The following PHTF2 variants were observed in gnomAD, a reference collection of about 807,000 sequenced individuals.
The protein encoded by PHTF2 is putative homeodomain transcription factor 2, also known as protein PHTF2.
PHTF2 carries 60 observed loss-of-function variants against 101.2 expected under a neutral mutation model. The ratio of observed to expected loss-of-function variants is 0.59; its 90% CI spans 0.48 to 0.73. PHTF2 has a LOEUF of 0.73. Ranked by LOEUF, PHTF2 falls within the 30% of genes least tolerant of loss-of-function variation. PHTF2 has a pLI of 0.00. For synonymous variants in PHTF2, 311 were observed against 307.3 expected, an observed-to-expected ratio of 1.01 and a Z score of -0.13; for missense variants, 747 against 908.7, an observed-to-expected ratio of 0.82 and a Z score of 2.29.
At chr7:77,915,967 A>G (rs1802874599) in intron 9 of PHTF2, among the ~76,000 whole-genome samples, 1 of 136,012 alleles carries the variant, frequency 7.4e-6, no homozygotes, top group Non-Finnish European at 1.6e-5. Flanking sequence ...ATCAGAAGGT[A>G]GATTTGTGTG....
At chr7:77,916,060 A>T (rs1272982689) in intron 9 of PHTF2, among the ~76,000 whole-genome samples, 3 of 151,894 alleles carry the variant, frequency 2.0e-5, no homozygotes, top group Non-Finnish European at 2.9e-5. Flanking sequence ...TTAATTCCTA[A>T]TATCAGCTTC....
intron 5 of PHTF2, among the ~76,000 whole-genome samples, chr7:77,897,267 C>T (rs1022261802): frequency 6.9e-6 from 1 of 144,048 alleles, no homozygotes; most frequent in Non-Finnish European, 1.5e-5. Flanking sequence ...AACAGAAGCA[C>T]TTTCTAAACT....
At chr7:77,886,580 C>T (rs1799869250) in intron 3 of PHTF2, among the ~76,000 whole-genome samples, 2 of 152,010 alleles carry the variant, frequency 1.3e-5, no homozygotes, top group Admixed American at 1.3e-4. Flanking sequence ...GGAGGAGGTA[C>T]ATGATTCTCT....
rs1797286527 is a variant in PHTF2 at position 77,857,542 on chromosome 7, T to A, written c.147+2708T>A. Among the ~76,000 whole-genome samples the A allele has an allele frequency of 1.3e-5, 2 of 152,236 alleles. 1 individual carries two copies. The highest frequency in any genetic ancestry group is 4.1e-4 in the South Asian group (2 of 4,834). ...ATTAATTTTTAAAGAAGTAACAGTA[T>A]ATATTCAGAAAATCACATGAAATAT... On this transcript the variant is annotated intron_variant, in intron 3 of 19. Coordinates refer to ENST00000416283, the Ensembl canonical transcript of PHTF2.
At chr7:77,819,058 A>G (rs147322927) in intron 1 of PHTF2, among the ~76,000 whole-genome samples, 1 of 152,300 alleles carries the variant, frequency 6.6e-6, no homozygotes, top group African/African-American at 2.4e-5. Context: ...TTGTGTTTAG[A>G]AATGCTACTG....
At chr7:77,819,867 C>A (rs760798248) in intron 1 of PHTF2, among the ~76,000 whole-genome samples, 11 of 152,048 alleles carry the variant, frequency 7.2e-5, no homozygotes, top group Non-Finnish European at 1.3e-4. Flanking sequence ...CAGTCCTGAA[C>A]TTTTCTTTTA....
chr7:77,928,958 A>G, intron 11 of PHTF2, 151 bp from the exon 11 acceptor site: 2 of 589,986 alleles, frequency 3.4e-6, no homozygotes, highest in Non-Finnish European at 6.0e-6. Context: ...ATAAAAGCTA[A>G]TATATTTTGT....
intron 2 of PHTF2, among the ~76,000 whole-genome samples, chr7:77,850,100 C>G (rs1796618973): frequency 6.6e-6 from 1 of 151,182 alleles, no homozygotes; most frequent in Non-Finnish European, 1.5e-5. Flanking sequence ...CCTGCAATCC[C>G]AGAACTTCGG....
At chr7:77,928,019 A>T (rs185627029) in intron 11 of PHTF2, among the ~76,000 whole-genome samples, 206 of 152,350 alleles carry the variant, frequency 1.4e-3, no homozygotes, top group Middle Eastern at 0.01. Context: ...AGGAAGGTTA[A>T]TCTGGAAAGA....
intron 12 of PHTF2, among the ~76,000 whole-genome samples, chr7:77,930,491 T>C (rs762210059): frequency 8.5e-5 from 13 of 152,054 alleles, no homozygotes; most frequent in Non-Finnish European, 1.9e-4. Context: ...CTTCTTCACC[T>C]TCTCTCTCTT....
chr7:77,929,016 G>A, intron 11 of PHTF2, 93 bp from the exon 11 acceptor site: 1 of 850,914 alleles, frequency 1.2e-6, no homozygotes, highest in Non-Finnish European at 1.8e-6. Context: ...TGTTGTTTTA[G>A]CAAAAAGTAT....
At chr7:77,818,412 T>G (rs1161634046) in intron 1 of PHTF2, among the ~76,000 whole-genome samples, 1 of 152,236 alleles carries the variant, frequency 6.6e-6, no homozygotes, top group African/African-American at 2.4e-5. Flanking sequence ...AGGTCTTTGA[T>G]TCATTTTGGG....
At chr7:77,882,483 G>A (rs1050383006) in intron 3 of PHTF2, among the ~76,000 whole-genome samples, 1 of 151,990 alleles carries the variant, frequency 6.6e-6, no homozygotes, top group African/African-American at 2.4e-5. Context: ...ATTGGTTAAA[G>A]CAAAGAGATT....
At chr7:77,895,953 T>G (rs568394420) in intron 5 of PHTF2, 1 of 152,294 alleles carries the variant, frequency 6.6e-6, no homozygotes, top group East Asian at 1.9e-4. Flanking sequence ...CTTGTTTCAC[T>G]CTTTCCTTCT....
intron 1 of PHTF2, among the ~76,000 whole-genome samples, chr7:77,823,113 C>T (rs10249075): frequency 0.24 from 35,831 of 151,786 alleles, 4,409 homozygotes; most frequent in South Asian, 0.29. Flanking sequence ...ACCGTGTTAG[C>T]CAGGATGGTC....
At chr7:77,913,123 C>T (rs1190036651) in intron 9 of PHTF2, among the ~76,000 whole-genome samples, 1 of 152,080 alleles carries the variant, frequency 6.6e-6, no homozygotes, top group Non-Finnish European at 1.5e-5. Context: ...CACGGTGGCT[C>T]ATGCCTGTAA....
intron 8 of PHTF2, chr7:77,909,992 C>T: frequency 6.6e-6 from 2 of 304,908 alleles, no homozygotes; most frequent in Non-Finnish European, 1.2e-5. Context: ...AATATCCATC[C>T]AATGCAATCC....
chr7:77,847,733 T>C (rs1250430916), intron 2 of PHTF2, among the ~76,000 whole-genome samples: 1 of 152,178 alleles, frequency 6.6e-6, no homozygotes, highest in Non-Finnish European at 1.5e-5. Context: ...CCCTTTTAGT[T>C]ATTTTAAATT....
At chr7:77,824,257 TTG>T (rs1417615694) in intron 1 of PHTF2, among the ~76,000 whole-genome samples, 19 of 151,588 alleles carry the variant, frequency 1.3e-4, no homozygotes, top group African/African-American at 4.4e-4. Flanking sequence ...ACATCCTGGT[TTG>T]TTTTTTTTTT....
Sources: allele counts gnomAD v4.1 joint callset (sites outside exome capture counted in the v4.1 genomes callset), GRCh38; gene constraint gnomAD v4.1.1; transcripts MANE v1.5; gene names NCBI Gene and HGNC (gene_info 2026-07-23, HGNC 2026-07-21).